Variants in DCUN1D5 observed in about 807,000 individuals in gnomAD.
DCUN1D5 encodes the protein defective in cullin neddylation 1 domain containing 5, also known as DCN1-like protein 5.
DCUN1D5 carries 10 observed loss-of-function variants against 38.3 expected under a neutral mutation model. That is an observed-to-expected ratio of 0.26 (90% CI 0.16 to 0.44). DCUN1D5 has a LOEUF of 0.44. Among genes scored for constraint, DCUN1D5 ranks in the 20% least tolerant of loss-of-function variants. The pLI, the probability that DCUN1D5 is intolerant of heterozygous loss-of-function variation, is 1.00. For missense variants in DCUN1D5, 148 were observed against 275.3 expected (o/e 0.54, Z 3.27); for synonymous variants, 93 against 90.9 (o/e 1.02, Z -0.13).
Position 103,088,657 on chromosome 11 carries a change from T to TATTTATCAC in DCUN1D5, c.178+561_178+569dup, listed in dbSNP as rs113559626. ...CTCACAGTGTATCTTCTGAATATAG[T>TATTTATCAC]ATTTATCACACTGTATTAATATCAG... is the stretch of plus-strand genomic sequence containing the variant. On this transcript the variant is annotated intron_variant, in intron 2 of 7. Coordinates refer to ENST00000260247, the MANE Select transcript of DCUN1D5 (RefSeq NM_032299.4). Among the ~76,000 whole-genome samples the TATTTATCAC allele has an allele frequency of 3.9e-3, 587 of 152,372 alleles. 5 individuals carry two copies. The highest frequency in any genetic ancestry group is 0.013 in the African/African-American group (559 of 41,580).
chr11:103,088,159 C>G (rs866856206), intron 2 of DCUN1D5, among the ~76,000 whole-genome samples: 1 of 152,030 alleles, frequency 6.6e-6, no homozygotes, highest in Admixed American at 6.5e-5. Flanking sequence ...TCTCACATTC[C>G]ATACAATTAG....
chr11:103,054,151 C>A lies in DCUN1D5; in HGVS notation c.*8208G>T, dbSNP rs1304367969. ...GATAGAGAGAACCTCCCAATTTCCA[C>A]ATCTATGTCTCCTGTTTACTCCAAT... is the stretch of plus-strand genomic sequence containing the variant. On this transcript the variant is annotated 3_prime_UTR_variant, in exon 8 of 8. Transcript: ENST00000260247. 7.2e-5 allele frequency: 11 copies of A among 152,112 alleles called. No individual in the cohort carries two copies. Among genetic ancestry groups the A allele is most frequent in the Admixed American group, 6.6e-4 (10 of 15,264 alleles). The allele number at this position is 152,112 out of a possible 1,614,324, so 9.4% of individuals were successfully genotyped here. A position where few individuals can be genotyped will look rare whatever the true frequency, so the allele number is the denominator to read the frequency against.
rs919882484 is a variant in DCUN1D5 at position 103,077,324 on chromosome 11, C to A, written c.341+5424G>T. On this transcript the variant is annotated intron_variant, in intron 4 of 7. Transcript: ENST00000260247. This position sits in a 1 kb window ranked among gnomAD's most constrained non-coding sequence, Gnocchi z 4.3. ...ACTAACAGCAATACAATTTTTATATCGAATCTAGCTCCAAAATACTAACAT... is the reference window on the plus strand; with the variant it reads ...ACTAACAGCAATACAATTTTTATATAGAATCTAGCTCCAAAATACTAACAT... Among the ~76,000 whole-genome samples, 4 of 152,130 alleles carry A rather than the reference C, an allele frequency of 2.6e-5. No homozygotes were observed. The highest frequency in any genetic ancestry group is 9.7e-5 in the African/African-American group (4 of 41,424).
Position 103,089,878 on chromosome 11 carries a change from A to G in DCUN1D5, c.87-560T>C, listed in dbSNP as rs138947738. Among the ~76,000 whole-genome samples the G allele has an allele frequency of 4.0e-3, 602 of 152,288 alleles. 2 individuals carry two copies. The highest frequency in any genetic ancestry group is 0.014 in the African/African-American group (577 of 41,578). On this transcript the variant is annotated intron_variant, in intron 1 of 7. Coordinates refer to ENST00000260247, the MANE Select transcript of DCUN1D5 (RefSeq NM_032299.4). ...AAACAACAAAAAAACACTAAAAGTT[A>G]ATAATAGTCCAAATAATTGGGACAA...
rs766959462 is a variant in DCUN1D5, at chr11:103,056,248, T to C, written c.*6111A>G. Among the ~76,000 whole-genome samples, 2 of 152,170 alleles carry C rather than the reference T, an allele frequency of 1.3e-5. No homozygotes were observed. The highest frequency in any genetic ancestry group is 2.9e-5 in the Non-Finnish European group (2 of 68,024). On this transcript the variant is annotated 3_prime_UTR_variant, in exon 8 of 8. Coordinates refer to ENST00000260247, the MANE Select transcript of DCUN1D5 (RefSeq NM_032299.4). The surrounding 1 kb of genome is among the most constrained non-coding windows in gnomAD (Gnocchi z 4.9). ...AAAGGGCTATAATGCCCTACGTAATTACCTACAATCAGGCAGGATTATTAC... is the reference window on the plus strand; with the variant it reads ...AAAGGGCTATAATGCCCTACGTAATCACCTACAATCAGGCAGGATTATTAC...
At position 103,060,545 on chromosome 11, in the gene DCUN1D5, C is replaced by G. The variant is rs1861987965; in HGVS notation, c.*1814G>C. On this transcript the variant is annotated 3_prime_UTR_variant, in exon 8 of 8. Transcript: ENST00000260247. ...TTAAGTATGCACAGATTTGGGTATA[C>G]ACAAGGGTCCTGGTATCAATCTCCT... 6.6e-6 allele frequency among the ~76,000 whole-genome samples: 1 copy of G among 152,118 alleles called. No homozygotes were observed. The highest frequency in any genetic ancestry group is 2.4e-5 in the African/African-American group (1 of 41,418).
chr11:103,057,001 A>G lies in DCUN1D5; in HGVS notation c.*5358T>C, dbSNP rs1861891410. On this transcript the variant is annotated 3_prime_UTR_variant, in exon 8 of 8. Coordinates refer to ENST00000260247, the MANE Select transcript of DCUN1D5 (RefSeq NM_032299.4). The surrounding 1 kb of genome is among the most constrained non-coding windows in gnomAD (Gnocchi z 4.8). Reference sequence around the variant, plus strand: ...ACATAGGTTAAGTGGCTTGTTTAAAAGTGACATTAACAGGAATGTCACAAA... The same window carrying G: ...ACATAGGTTAAGTGGCTTGTTTAAAGGTGACATTAACAGGAATGTCACAAA... Among the ~76,000 whole-genome samples the G allele has an allele frequency of 6.6e-6, 1 of 152,174 alleles. No individual in the cohort carries two copies.
At chr11:103,067,460 T>C (rs1239671858) in intron 4 of DCUN1D5, among the ~76,000 whole-genome samples, 1 of 152,146 alleles carries the variant, frequency 6.6e-6, no homozygotes, top group Admixed American at 6.5e-5. Context: ...AAAAATATTA[T>C]TCATCAAGAC....
chr11:103,085,886 T>C (rs960329199), intron 2 of DCUN1D5, among the ~76,000 whole-genome samples: 2 of 152,220 alleles, frequency 1.3e-5, no homozygotes, highest in Non-Finnish European at 2.9e-5. Context: ...ATTCCAACCT[T>C]ATTTTTTGAC....
At chr11:103,088,267 A>G (rs530976072) in intron 2 of DCUN1D5, among the ~76,000 whole-genome samples, 9 of 152,164 alleles carry the variant, frequency 5.9e-5, no homozygotes, top group Non-Finnish European at 1.3e-4. Context: ...CTTCCATTTT[A>G]AACAAACATT....
At position 103,086,676 on chromosome 11, in the gene DCUN1D5, G is replaced by A. The variant is rs936321959; in HGVS notation, c.178+2551C>T. On this transcript the variant is annotated intron_variant, in intron 2 of 7. Transcript: ENST00000260247. The surrounding 1 kb of genome is among the most constrained non-coding windows in gnomAD (Gnocchi z 4.1). The stretch of plus-strand genomic sequence containing the variant: ...CAGAAGGCAAGTCCCCCAAAGGCAG[G>A]GATCTTGTCTGACTTGCTCAGCACT... Among the ~76,000 whole-genome samples, 1 of 152,078 alleles carries A rather than the reference G, an allele frequency of 6.6e-6. No individual in the cohort carries two copies. The highest frequency in any genetic ancestry group is 2.4e-5 in the African/African-American group (1 of 41,392).
intron 1 of DCUN1D5, among the ~76,000 whole-genome samples, chr11:103,089,763 A>T (rs974695500): frequency 6.6e-6 from 1 of 152,144 alleles, no homozygotes; most frequent in Non-Finnish European, 1.5e-5. Flanking sequence ...TTATATTAAG[A>T]GTTGTTTTAT....
Position 103,071,343 on chromosome 11 carries a change from T to C in DCUN1D5, c.342-4776A>G, listed in dbSNP as rs531567362. On this transcript the variant is annotated intron_variant, in intron 4 of 7. Transcript: ENST00000260247. The surrounding 1 kb of genome is among the most constrained non-coding windows in gnomAD (Gnocchi z 4.1). ...CCCATATCAGGAATGAAATGGGGTA[T>C]TATTACAGACCCACAGCTATCAAAA... 2.0e-5 allele frequency among the ~76,000 whole-genome samples: 3 copies of C among 151,972 alleles called. No homozygotes were observed. The highest frequency in any genetic ancestry group is 2.1e-4 in the South Asian group (1 of 4,818).
Position 103,053,472 on chromosome 11 carries a change from T to C in DCUN1D5, c.*8887A>G, listed in dbSNP as rs1319334814. 1 of 152,134 alleles carries C rather than the reference T, an allele frequency of 6.6e-6. No homozygotes were observed. Among genetic ancestry groups the C allele is most frequent in the Non-Finnish European group, 1.5e-5 (1 of 67,974 alleles). The allele number at this position is 152,134 out of a possible 1,614,324, so 9.4% of individuals were successfully genotyped here. A position where few individuals can be genotyped will look rare whatever the true frequency, so the allele number is the denominator to read the frequency against. ...CTGATCTATTAACACTAAACTATTG[T>C]ACATTTCAAAATAGCTAAAGAGAAT... On this transcript the variant is annotated 3_prime_UTR_variant, in exon 8 of 8. Coordinates refer to ENST00000260247, the MANE Select transcript of DCUN1D5 (RefSeq NM_032299.4). This position sits in a 1 kb window ranked among gnomAD's most constrained non-coding sequence, Gnocchi z 4.8.
At position 103,056,187 on chromosome 11, in the gene DCUN1D5, G is replaced by C. The variant is rs1045639433; in HGVS notation, c.*6172C>G. Among the ~76,000 whole-genome samples the C allele has an allele frequency of 1.3e-5, 2 of 151,980 alleles. No homozygotes were observed. The highest frequency in any genetic ancestry group is 2.9e-5 in the Non-Finnish European group (2 of 68,004). ...CCTTGCTTTGATCTGAATCCTAATT[G>C]CTTGCTAGCTCACTCAGTAAAGTCC... On this transcript the variant is annotated 3_prime_UTR_variant, in exon 8 of 8. Transcript: ENST00000260247. This position sits in a 1 kb window ranked among gnomAD's most constrained non-coding sequence, Gnocchi z 4.9.
chr11:103,067,174 GTTATTT>G (rs1862155343), intron 4 of DCUN1D5, among the ~76,000 whole-genome samples: 1 of 152,118 alleles, frequency 6.6e-6, no homozygotes, highest in Non-Finnish European at 1.5e-5. Flanking sequence ...AGTCATACGT[GTTATTT>G]TTAAAGACAA....
rs551803888 is a variant in DCUN1D5, at chr11:103,051,656, G to A, written c.*10703C>T. ...CACTACATTCAAAGCATAGCATTAGGTTTTACTTAGCATTTTACAAACACT... is the reference window on the plus strand; with the variant it reads ...CACTACATTCAAAGCATAGCATTAGATTTTACTTAGCATTTTACAAACACT... On this transcript the variant is annotated 3_prime_UTR_variant, in exon 8 of 8. Coordinates refer to ENST00000260247, the MANE Select transcript of DCUN1D5 (RefSeq NM_032299.4). 6 of 152,186 alleles carry A rather than the reference G, an allele frequency of 3.9e-5. No homozygotes were observed. In the South Asian group the frequency reaches 1.2e-3, roughly 32 times the overall value. The allele number at this position is 152,186 out of a possible 1,614,324, so 9.4% of individuals were successfully genotyped here.
rs1383485050 is a variant in DCUN1D5, at chr11:103,051,911, C to T, written c.*10448G>A. On this transcript the variant is annotated 3_prime_UTR_variant, in exon 8 of 8. Coordinates refer to ENST00000260247, the MANE Select transcript of DCUN1D5 (RefSeq NM_032299.4). ...TGTTCTTAAAACACCAAAGTAGCCC[C>T]AGCCTTCATCGCGTCTCATCTGCTC... 4.6e-5 allele frequency: 7 copies of T among 152,200 alleles called. No individual in the cohort carries two copies. The East Asian group carries it at 1.3e-3, about 29-fold the overall frequency. 9.4% of individuals were successfully genotyped at this position (152,200 alleles called of 1,614,324 possible). A position where few individuals can be genotyped will look rare whatever the true frequency, so the allele number is the denominator to read the frequency against.
chr11:103,057,684 C>T lies in DCUN1D5; in HGVS notation c.*4675G>A, dbSNP rs1246440726. Among the ~76,000 whole-genome samples, 1 of 151,820 alleles carries T rather than the reference C, an allele frequency of 6.6e-6. No individual in the cohort carries two copies. Among genetic ancestry groups the T allele is most frequent in the Non-Finnish European group, 1.5e-5 (1 of 67,970 alleles). On this transcript the variant is annotated 3_prime_UTR_variant, in exon 8 of 8. Transcript: ENST00000260247. This position sits in a 1 kb window ranked among gnomAD's most constrained non-coding sequence, Gnocchi z 4.8. ...GCAGTGAGCTGAGACCGCACCACTG[C>T]ACTCCATCCTGGGTGACAGAGTAAG...
Sources: gnomAD v4.1 joint callset for allele counts (sites outside exome capture counted in the v4.1 genomes callset) on GRCh38, gnomAD v4.1.1 for gene constraint, Gnocchi (gnomAD v3.1) non-coding constraint, MANE v1.5 for transcripts, NCBI Gene and HGNC (gene_info 2026-07-23, HGNC 2026-07-21) for gene names.